The following ABCA12 variants were observed in gnomAD, a reference collection of about 807,000 sequenced individuals.
The protein encoded by ABCA12 is glucosylceramide transporter ABCA12.
Under a neutral mutation model 293.5 loss-of-function variants are expected in ABCA12, and 156 were observed. That is an observed-to-expected ratio of 0.53 (90% CI 0.47 to 0.61). ABCA12 has a LOEUF of 0.61. Among genes scored for constraint, ABCA12 ranks in the 20% least tolerant of loss-of-function variants. The pLI, the probability that ABCA12 is intolerant of heterozygous loss-of-function variation, is 0.00. For missense variants in ABCA12, 2,797 were observed against 3,090.2 expected (o/e 0.91, Z 2.25); for synonymous variants, 1,063 against 1,108.0 (o/e 0.96, Z 0.81).
chr2:214,967,098 T>C (rs762240626), intron 38 of ABCA12, 145 bp from the exon 39 acceptor site: 72 of 758,380 alleles, frequency 9.5e-5, no homozygotes, highest in Non-Finnish European at 1.3e-4. Context: ...TTATGCACTG[T>C]TCTCTAGAGT....
chr2:214,983,903 G>A, intron 28 of ABCA12, 38 bp from the exon 29 acceptor site: 1 of 1,572,996 alleles, frequency 6.4e-7, no homozygotes. Context: ...TATAAGCCAA[G>A]CATTGAAGCT....
At chr2:215,089,197 A>T (rs2970949) in intron 2 of ABCA12, among the ~76,000 whole-genome samples, 128,978 of 149,410 alleles carry the variant, frequency 0.86, 57,869 homozygotes, top group Non-Finnish European at 0.98. Context: ...GTTTTGCTTT[A>T]TTTTTTTTTC....
At chr2:215,106,651 T>G (rs933534443) in intron 2 of ABCA12, among the ~76,000 whole-genome samples, 4 of 152,058 alleles carry the variant, frequency 2.6e-5, no homozygotes, top group Admixed American at 6.6e-5. Flanking sequence ...TGCAAAGTAC[T>G]TAGCACAGTG....
intron 2 of ABCA12, among the ~76,000 whole-genome samples, chr2:215,097,544 G>C (rs1372852920): frequency 6.6e-6 from 1 of 152,116 alleles, no homozygotes. Flanking sequence ...GCACAGCTGG[G>C]TGCTAGAAAT....
At chr2:215,027,013 G>C (rs551893179) in intron 9 of ABCA12, 75 bp from the exon 10 acceptor site, 2 of 1,138,292 alleles carry the variant, frequency 1.8e-6, no homozygotes, top group Middle Eastern at 2.4e-4. Flanking sequence ...AGATCATTTT[G>C]GTCCCTTGTT....
Position 214,978,652 on chromosome 2 carries a change from A to C in ABCA12, c.4977+152T>G. On this transcript the variant is annotated intron_variant, in intron 32 of 52. Coordinates refer to ENST00000272895, the MANE Select transcript of ABCA12 (RefSeq NM_173076.3). ...CTAGCTGGGGCAACATTTTATTCTC[A>C]GTCTTACATAAGAATAGTACTGAAA... 3 of 1,029,596 alleles carry C rather than the reference A, an allele frequency of 2.9e-6. No homozygotes were observed. In the South Asian group the frequency reaches 4.5e-5, roughly 15 times the overall value. The allele number at this position is 1,029,596 out of a possible 1,614,324, so 63.8% of individuals were successfully genotyped here. A position where few individuals can be genotyped will look rare whatever the true frequency, so the allele number is the denominator to read the frequency against.
chr2:215,007,479 C>G (rs1559142760), intron 19 of ABCA12, among the ~76,000 whole-genome samples: 1 of 152,124 alleles, frequency 6.6e-6, no homozygotes, highest in Non-Finnish European at 1.5e-5. Context: ...AGTTATGTCT[C>G]TAGATCAACT....
At chr2:215,010,882 T>G (rs552561484) in intron 17 of ABCA12, among the ~76,000 whole-genome samples, 1 of 152,318 alleles carries the variant, frequency 6.6e-6, no homozygotes, top group Admixed American at 6.5e-5. Flanking sequence ...ATGAATCCAG[T>G]TGCTATACTA....
intron 38 of ABCA12, among the ~76,000 whole-genome samples, chr2:214,967,189 T>C (rs550892374): frequency 6.6e-6 from 1 of 152,086 alleles, no homozygotes; most frequent in East Asian, 1.9e-4. Context: ...AGCACTAAAT[T>C]ATTAGTTATT....
At chr2:214,942,839 G>A in intron 50 of ABCA12, 86 bp downstream of exon 50, 1 of 1,152,092 alleles carries the variant, frequency 8.7e-7, no homozygotes, top group Non-Finnish European at 1.3e-6. Context: ...TACTACTTAG[G>A]CTGCTGAGAT....
chr2:215,135,227 G>A (rs762625709), intron 1 of ABCA12, among the ~76,000 whole-genome samples: 3 of 152,132 alleles, frequency 2.0e-5, no homozygotes, highest in Non-Finnish European at 2.9e-5. Context: ...CCAAAGTGCC[G>A]GGATTACAGG....
intron 1 of ABCA12, among the ~76,000 whole-genome samples, chr2:215,134,356 A>ACG (rs1703138142): frequency 1.4e-5 from 2 of 140,860 alleles, no homozygotes; most frequent in African/African-American, 5.2e-5. Flanking sequence ...ATGTGTATAT[A>ACG]TGTATATGTG....
At chr2:214,985,575 GC>G (rs1559130837) in intron 28 of ABCA12, among the ~76,000 whole-genome samples, 1 of 151,954 alleles carries the variant, frequency 6.6e-6, no homozygotes, top group African/African-American at 2.4e-5. Flanking sequence ...AAAAAATCTG[GC>G]CTTTTTGGCA....
intron 1 of ABCA12, 83 bp downstream of exon 1, chr2:215,138,057 T>G (rs1451773461): frequency 9.5e-6 from 13 of 1,369,906 alleles, no homozygotes; most frequent in Non-Finnish European, 1.4e-5. Flanking sequence ...CTCTTCTGTT[T>G]TCACTTCTCA....
intron 44 of ABCA12, among the ~76,000 whole-genome samples, chr2:214,952,143 C>A (rs1332631720): frequency 6.6e-6 from 1 of 151,942 alleles, no homozygotes; most frequent in Non-Finnish European, 1.5e-5. Flanking sequence ...AAGACCCCAA[C>A]TGTAATGTTT....
At chr2:215,101,841 C>T (rs534409425) in intron 2 of ABCA12, among the ~76,000 whole-genome samples, 1 of 152,234 alleles carries the variant, frequency 6.6e-6, no homozygotes, top group South Asian at 2.1e-4. Context: ...TTTCTTTTAG[C>T]CTCAGTTACT....
intron 2 of ABCA12, among the ~76,000 whole-genome samples, chr2:215,099,303 C>T (rs989181551): frequency 1.3e-5 from 2 of 152,228 alleles, no homozygotes; most frequent in African/African-American, 4.8e-5. Flanking sequence ...TCTTCCAGCC[C>T]TACTCGAGTT....
chr2:214,948,786 C>A (rs1300926373), intron 46 of ABCA12, 49 bp from the exon 47 acceptor site: 3 of 1,611,466 alleles, frequency 1.9e-6, no homozygotes, highest in African/African-American at 2.7e-5. Flanking sequence ...AGATTTATCC[C>A]TCCTGGTTCC....
At chr2:215,081,589 C>G (rs1292735326) in intron 2 of ABCA12, among the ~76,000 whole-genome samples, 2 of 151,740 alleles carry the variant, frequency 1.3e-5, no homozygotes, top group African/African-American at 4.8e-5. Context: ...AGTTTCCCCC[C>G]TAAATAAAGG....
Sources: allele counts gnomAD v4.1 joint callset (sites outside exome capture counted in the v4.1 genomes callset), GRCh38; gene constraint gnomAD v4.1.1; transcripts MANE v1.5; gene names NCBI Gene and HGNC (gene_info 2026-07-23, HGNC 2026-07-21).